The following SERINC5 variants were observed in gnomAD, a reference collection of about 807,000 sequenced individuals.
The protein encoded by SERINC5 is chromosome 5 open reading frame 12.
SERINC5 carries 41 observed loss-of-function variants against 63.1 expected under a neutral mutation model. The ratio of observed to expected loss-of-function variants is 0.65; its 90% CI spans 0.51 to 0.84. The LOEUF is 0.84. SERINC5 is among the 40% of genes least tolerant of loss of function. The probability of loss-of-function intolerance (pLI) is 0.00; values close to 1 mark genes in which losing one functional copy is unlikely to be tolerated. For synonymous variants in SERINC5, 222 were observed against 215.2 expected, an observed-to-expected ratio of 1.03 and a Z score of -0.28; for missense variants, 523 against 573.0, an observed-to-expected ratio of 0.91 and a Z score of 0.89.
At chr5:80,247,133 C>CTAGCTT (rs1327504398) in intron 1 of SERINC5, among the ~76,000 whole-genome samples, 1 of 152,308 alleles carries the variant, frequency 6.6e-6, no homozygotes, top group East Asian at 1.9e-4. Flanking sequence ...GTTCTGTAGA[C>CTAGCTT]ATATCAGCTT....
chr5:80,198,206 TA>T (rs1749625202), intron 2 of SERINC5, among the ~76,000 whole-genome samples: 1 of 152,106 alleles, frequency 6.6e-6, no homozygotes, highest in Admixed American at 6.5e-5. Context: ...ATTATACAGT[TA>T]ATAACAAGAA....
chr5:80,235,336 T>C (rs947406245), intron 1 of SERINC5, among the ~76,000 whole-genome samples: 12 of 152,254 alleles, frequency 7.9e-5, no homozygotes, highest in African/African-American at 2.9e-4. Flanking sequence ...ACATATTTCA[T>C]TGTATGAAAG....
At chr5:80,137,368 C>G (rs965858952), downstream of SERINC5, among the ~76,000 whole-genome samples, 2 of 151,948 alleles carry the variant, frequency 1.3e-5, no homozygotes, top group South Asian at 4.1e-4. Context: ...TGGCCAGGCA[C>G]AGTGGCTCAC....
At chr5:80,162,318 AAT>A (rs1338524159) in intron 7 of SERINC5, among the ~76,000 whole-genome samples, 1 of 152,164 alleles carries the variant, frequency 6.6e-6, no homozygotes, top group African/African-American at 2.4e-5. Flanking sequence ...TCATTTTAAC[AAT>A]ATTTATTCTC....
intron 2 of SERINC5, among the ~76,000 whole-genome samples, chr5:80,194,539 C>T (rs1284743241): frequency 1.3e-5 from 2 of 152,176 alleles, no homozygotes; most frequent in African/African-American, 4.8e-5. Context: ...TGTAAAGCCA[C>T]TGAATAAATA....
At chr5:80,186,326 T>C (rs1233757354) in intron 2 of SERINC5, among the ~76,000 whole-genome samples, 3 of 151,862 alleles carry the variant, frequency 2.0e-5, no homozygotes, top group African/African-American at 7.3e-5. Flanking sequence ...TTAGTAGATA[T>C]GGGGTTTCAC....
chr5:80,112,334 C>T (rs761751559), intron 12 of SERINC5, among the ~76,000 whole-genome samples: 1 of 152,194 alleles, frequency 6.6e-6, no homozygotes, highest in Non-Finnish European at 1.5e-5. Flanking sequence ...GGCCTACGTG[C>T]ACATCCAGGC....
chr5:80,184,697 AATTTGCTCCGATTAAAT>A (rs1748690854), intron 2 of SERINC5, among the ~76,000 whole-genome samples: 1 of 152,148 alleles, frequency 6.6e-6, no homozygotes, highest in South Asian at 2.1e-4. Context: ...TGGCAAGGGG[AATTTGCTCCGATTAAAT>A]ATTTGCTGTT....
chr5:80,174,927 TG>T lies in SERINC5; in HGVS notation c.551+26del. 2.6e-6 allele frequency: 4 copies of T among 1,526,098 alleles called. No individual in the cohort carries two copies. In the African/African-American group the frequency reaches 5.5e-5, roughly 21 times the overall value. 94.5% of individuals were successfully genotyped at this position (1,526,098 alleles called of 1,614,324 possible). On this transcript the variant is annotated intron_variant, in intron 5 of 11. Coordinates refer to ENST00000507668, the MANE Select transcript of SERINC5 (RefSeq NM_001174072.3). ...AAACTGGGCAGTTTCTGTGAGTCAATGGGAAGCTTTCCATAAAGGCACACAC... is the reference window on the plus strand; with the variant it reads ...AAACTGGGCAGTTTCTGTGAGTCAATGGAAGCTTTCCATAAAGGCACACAC...
At chr5:80,232,648 G>GC (rs1751501730) in intron 1 of SERINC5, among the ~76,000 whole-genome samples, 6 of 152,068 alleles carry the variant, frequency 3.9e-5, no homozygotes, top group Admixed American at 3.9e-4. Flanking sequence ...GCTGGGCATA[G>GC]TGGCACACAC....
At chr5:80,137,093 T>A (rs186608570), downstream of SERINC5, among the ~76,000 whole-genome samples, 6 of 138,398 alleles carry the variant, frequency 4.3e-5, no homozygotes, top group East Asian at 1.2e-3. Context: ...TGAGCTGACA[T>A]CGTGCCACTG....
chr5:80,161,979 AGT>A (rs1365383549), intron 7 of SERINC5, among the ~76,000 whole-genome samples: 2 of 152,194 alleles, frequency 1.3e-5, no homozygotes, highest in Admixed American at 1.3e-4. Flanking sequence ...TCCTTTCCCC[AGT>A]GTGTGTTCTT....
chr5:80,243,842 C>G (rs1451722114), intron 1 of SERINC5, among the ~76,000 whole-genome samples: 2 of 151,866 alleles, frequency 1.3e-5, no homozygotes, highest in African/African-American at 4.8e-5. Flanking sequence ...CCAGACTTGC[C>G]TCTACAGAAT....
intron 8 of SERINC5, among the ~76,000 whole-genome samples, chr5:80,155,295 C>T (rs1432539552): frequency 5.3e-5 from 8 of 152,166 alleles, no homozygotes; most frequent in South Asian, 2.1e-4. Context: ...CTGGCCATGG[C>T]GGCTCACGCC....
At chr5:80,228,364 CAG>C (rs1247261009) in intron 1 of SERINC5, among the ~76,000 whole-genome samples, 2 of 151,940 alleles carry the variant, frequency 1.3e-5, no homozygotes, top group African/African-American at 2.4e-5. Flanking sequence ...CAGCATAAAA[CAG>C]AGTGAAAACT....
Position 80,140,947 on chromosome 5 carries a change from T to C in SERINC5, c.*2716A>G. 4.1e-6 allele frequency: 4 copies of C among 985,278 alleles called. No individual in the cohort carries two copies. Among genetic ancestry groups the C allele is most frequent in the Non-Finnish European group, 4.8e-6 (4 of 829,856 alleles). 61.0% of individuals were successfully genotyped at this position (985,278 alleles called of 1,614,324 possible). ...AAATGTCTATTATTTTTAAAAGATA[T>C]CAGTGAGTTAATCAAATTAACACCG... On this transcript the variant is annotated 3_prime_UTR_variant, in exon 12 of 12. Coordinates refer to ENST00000507668, the MANE Select transcript of SERINC5 (RefSeq NM_001174072.3).
chr5:80,164,469 C>T (rs1014238089), intron 7 of SERINC5, among the ~76,000 whole-genome samples: 17 of 152,228 alleles, frequency 1.1e-4, no homozygotes, highest in African/African-American at 3.4e-4. Flanking sequence ...GCAGCCTCAA[C>T]CTCTGGGGCT....
At chr5:80,214,187 T>C (rs553350339) in intron 1 of SERINC5, among the ~76,000 whole-genome samples, 1 of 152,170 alleles carries the variant, frequency 6.6e-6, no homozygotes, top group Non-Finnish European at 1.5e-5. Context: ...ATAGTTAATA[T>C]TAATAGTGTA....
chr5:80,122,479 G>A (rs1376782648), intron 11 of SERINC5, among the ~76,000 whole-genome samples: 5 of 151,854 alleles, frequency 3.3e-5, no homozygotes, highest in Admixed American at 1.3e-4. Flanking sequence ...AATCCCTTTT[G>A]GCAATACCCT....
Sources: allele counts gnomAD v4.1 joint callset (sites outside exome capture counted in the v4.1 genomes callset), GRCh38; gene constraint gnomAD v4.1.1; transcripts MANE v1.5; gene names NCBI Gene and HGNC (gene_info 2026-07-23, HGNC 2026-07-21).